The following NR2F1-AS1 variants were observed in gnomAD, a reference collection of about 807,000 sequenced individuals.
The protein encoded by NR2F1-AS1 is NR2F1 regulatory antisense RNA 1.
chr5:93,443,050 C>G (rs960103248), intron 4 of NR2F1-AS1, among the ~76,000 whole-genome samples: 9 of 152,186 alleles, frequency 5.9e-5, no homozygotes, highest in Admixed American at 6.5e-5. Context: ...ACATCACCAT[C>G]ATCAAAGACC....
At chr5:93,554,203 T>C (rs993711218) in intron 3 of NR2F1-AS1, among the ~76,000 whole-genome samples, 1 of 152,148 alleles carries the variant, frequency 6.6e-6, no homozygotes, top group African/African-American at 2.4e-5. Context: ...CATGAAAGCA[T>C]GCCAACTTTA....
At chr5:93,436,242 C>T (rs1253329949) in intron 4 of NR2F1-AS1, among the ~76,000 whole-genome samples, 1 of 152,174 alleles carries the variant, frequency 6.6e-6, no homozygotes, top group Admixed American at 6.5e-5. Context: ...TAATAATCAA[C>T]ATCAAAGAGA....
At chr5:93,449,583 G>A (rs919206649) in intron 4 of NR2F1-AS1, among the ~76,000 whole-genome samples, 3 of 152,178 alleles carry the variant, frequency 2.0e-5, no homozygotes, top group African/African-American at 7.2e-5. Context: ...AAAGTATTAT[G>A]ATTATAGAAA....
intron 4 of NR2F1-AS1, among the ~76,000 whole-genome samples, chr5:93,421,801 G>A (rs1050987916): frequency 1.3e-5 from 2 of 152,158 alleles, no homozygotes; most frequent in Non-Finnish European, 2.9e-5. Context: ...AGATTAGTGG[G>A]CAGCAATGAA....
At chr5:93,464,379 A>C (rs1750173753) in intron 4 of NR2F1-AS1, among the ~76,000 whole-genome samples, 1 of 152,188 alleles carries the variant, frequency 6.6e-6, no homozygotes. Context: ...GCAGCATGAA[A>C]ACGGACTAAT....
chr5:93,550,910 A>G (rs1752211624), intron 4 of NR2F1-AS1, among the ~76,000 whole-genome samples: 1 of 152,144 alleles, frequency 6.6e-6, no homozygotes, highest in Non-Finnish European at 1.5e-5. Context: ...AGTGATTTGT[A>G]ATCATGAAGG....
At chr5:93,456,105 C>T (rs747778948) in intron 4 of NR2F1-AS1, among the ~76,000 whole-genome samples, 3 of 152,022 alleles carry the variant, frequency 2.0e-5, no homozygotes, top group Admixed American at 6.6e-5. Flanking sequence ...ATAACAGGCA[C>T]ACAGATTGGA....
At chr5:93,577,684 C>T (rs1386728605) in intron 1 of NR2F1-AS1, among the ~76,000 whole-genome samples, 1 of 152,168 alleles carries the variant, frequency 6.6e-6, no homozygotes, top group East Asian at 1.9e-4. Flanking sequence ...TCCTTCCTGG[C>T]TTTAATCTCA....
At chr5:93,480,989 T>C (rs1333505592) in intron 4 of NR2F1-AS1, among the ~76,000 whole-genome samples, 9 of 151,828 alleles carry the variant, frequency 5.9e-5, no homozygotes, top group Admixed American at 1.3e-4. Flanking sequence ...AGAAAATAAA[T>C]AGCAAAATGG....
chr5:93,495,447 G>C (rs1225217833), intron 4 of NR2F1-AS1, among the ~76,000 whole-genome samples: 1 of 152,104 alleles, frequency 6.6e-6, no homozygotes, highest in Non-Finnish European at 1.5e-5. Flanking sequence ...AATGCAAATA[G>C]AGAGAGAACC....
intron 4 of NR2F1-AS1, among the ~76,000 whole-genome samples, chr5:93,483,947 T>A (rs1750657701): frequency 6.6e-6 from 1 of 152,138 alleles, no homozygotes; most frequent in African/African-American, 2.4e-5. Context: ...AATATGGGAC[T>A]ATGTGAAAAG....
At chr5:93,485,314 A>G (rs1317691161) in intron 4 of NR2F1-AS1, among the ~76,000 whole-genome samples, 1 of 152,208 alleles carries the variant, frequency 6.6e-6, no homozygotes, top group African/African-American at 2.4e-5. Flanking sequence ...ACTCACTCAA[A>G]ACCACACAAC....
chr5:93,412,116 C>T (rs891230070), intron 4 of NR2F1-AS1, among the ~76,000 whole-genome samples: 1 of 152,168 alleles, frequency 6.6e-6, no homozygotes, highest in Non-Finnish European at 1.5e-5. Flanking sequence ...TTAGTTACAC[C>T]ATCATGCACC....
chr5:93,536,779 G>A (rs1751848698), intron 4 of NR2F1-AS1, among the ~76,000 whole-genome samples: 1 of 152,170 alleles, frequency 6.6e-6, no homozygotes. Context: ...GATATGGTTT[G>A]GCTCTGTGTC....
chr5:93,532,562 T>G (rs1361328532), intron 4 of NR2F1-AS1, among the ~76,000 whole-genome samples: 1 of 152,240 alleles, frequency 6.6e-6, no homozygotes, highest in African/African-American at 2.4e-5. Flanking sequence ...AATGGCTTAT[T>G]ACCTTTCACC....
rs552975606 is a variant in NR2F1-AS1 at position 93,410,885 on chromosome 5, A to C, written n.639-15343T>G. The stretch of plus-strand genomic sequence containing the variant: ...TATGTCTAAAGTCTACTAAATATTT[A>C]TGGAATCAATAAAATGGATCCTATC... On this transcript the variant is annotated intron_variant and non_coding_transcript_variant, in intron 4 of 5. Coordinates refer to ENST00000660523, the Ensembl canonical transcript of NR2F1-AS1. 2.0e-5 allele frequency: 3 copies of C among 152,370 alleles called. No individual in the cohort carries two copies. In the East Asian group the frequency reaches 5.8e-4, roughly 29 times the overall value. 9.4% of individuals were successfully genotyped at this position (152,370 alleles called of 1,614,324 possible). A position where few individuals can be genotyped will look rare whatever the true frequency, so the allele number is the denominator to read the frequency against.
chr5:93,539,368 C>A (rs1319188285), intron 4 of NR2F1-AS1, among the ~76,000 whole-genome samples: 1 of 152,028 alleles, frequency 6.6e-6, no homozygotes, highest in Non-Finnish European at 1.5e-5. Context: ...TATTCAACAA[C>A]AGATGAATGG....
At chr5:93,574,347 G>A (rs991880635) in intron 1 of NR2F1-AS1, among the ~76,000 whole-genome samples, 2 of 152,262 alleles carry the variant, frequency 1.3e-5, no homozygotes, top group East Asian at 1.9e-4. Flanking sequence ...GACAGTAACC[G>A]GAGAAAACTG....
rs148894658 is a variant in NR2F1-AS1 at position 93,567,404 on chromosome 5, C to G, written n.314-3941G>C. ...TGAAGTAGCCTATTGATTGCTGTTTCAGTATGCCAGTAAAAAAGTTTGCCA... is the reference window on the plus strand; with the variant it reads ...TGAAGTAGCCTATTGATTGCTGTTTGAGTATGCCAGTAAAAAAGTTTGCCA... On this transcript the variant is annotated intron_variant and non_coding_transcript_variant, in intron 1 of 5. Coordinates refer to ENST00000660523, the Ensembl canonical transcript of NR2F1-AS1. Among the ~76,000 whole-genome samples, 238 of 152,190 alleles carry G rather than the reference C, an allele frequency of 1.6e-3. 1 individual carries two copies. Among genetic ancestry groups the G allele is most frequent in the African/African-American group, 5.3e-3 (222 of 41,550 alleles).
Sources: gnomAD v4.1 joint callset for allele counts (sites outside exome capture counted in the v4.1 genomes callset) on GRCh38, gnomAD v4.1.1 for gene constraint, MANE v1.5 for transcripts, NCBI Gene and HGNC (gene_info 2026-07-23, HGNC 2026-07-21) for gene names.